Variants in SMCHD1 observed in about 807,000 individuals in gnomAD.
The protein encoded by SMCHD1 is structural maintenance of chromosomes flexible hinge domain containing 1.
Under a neutral mutation model 254.7 loss-of-function variants are expected in SMCHD1, and 78 were observed. That is an observed-to-expected ratio of 0.31 (90% CI 0.26 to 0.37). SMCHD1 has a LOEUF of 0.37. SMCHD1 is among the 10% of genes least tolerant of loss of function. The probability of loss-of-function intolerance (pLI) is 1.00; values close to 1 mark genes in which losing one functional copy is unlikely to be tolerated. For missense variants in SMCHD1, 1,840 were observed against 2,408.1 expected, an observed-to-expected ratio of 0.76 and a Z score of 4.94; for synonymous variants, 766 against 794.9, an observed-to-expected ratio of 0.96 and a Z score of 0.61.
rs116916319 is a variant in SMCHD1, at chr18:2,728,161, G to A, written c.2774-296G>A. ...TTTGTTTTTGAATACCTTTTTCCCA[G>A]TATCTTTTAAAGATTTTAGGTGATT... is the stretch of plus-strand genomic sequence containing the variant. On this transcript the variant is annotated intron_variant, in intron 22 of 47. Coordinates refer to ENST00000320876, the MANE Select transcript of SMCHD1 (RefSeq NM_015295.3). Among the ~76,000 whole-genome samples, 2,723 of 152,040 alleles carry A rather than the reference G, an allele frequency of 0.018. 40 individuals are homozygous for A. The highest frequency in any genetic ancestry group is 0.1 in the Middle Eastern group (30 of 294).
chr18:2,745,009 A>T (rs1419127598), intron 29 of SMCHD1, among the ~76,000 whole-genome samples: 3 of 152,010 alleles, frequency 2.0e-5, no homozygotes, highest in African/African-American at 7.2e-5. Flanking sequence ...ATTCCTGGCT[A>T]ATTTTGTATT....
intron 29 of SMCHD1, among the ~76,000 whole-genome samples, chr18:2,744,924 A>G (rs999619319): frequency 5.3e-5 from 8 of 152,060 alleles, no homozygotes; most frequent in Non-Finnish European, 1.0e-4. Flanking sequence ...GCTCACTGCA[A>G]CCTCCACCTC....
intron 24 of SMCHD1, among the ~76,000 whole-genome samples, chr18:2,729,807 C>G (rs2075102099): frequency 1.3e-5 from 2 of 151,530 alleles, no homozygotes; most frequent in African/African-American, 4.8e-5. Flanking sequence ...CTCCTAAGCT[C>G]TAGTGATGTG....
intron 5 of SMCHD1, among the ~76,000 whole-genome samples, chr18:2,682,116 A>G (rs1043803515): frequency 6.6e-6 from 1 of 151,942 alleles, no homozygotes; most frequent in African/African-American, 2.4e-5. Flanking sequence ...AGAGGCTCTG[A>G]TAGAGATTGG....
chr18:2,777,375 G>A (rs1486238514), intron 42 of SMCHD1, among the ~76,000 whole-genome samples: 1 of 152,104 alleles, frequency 6.6e-6, no homozygotes, highest in African/African-American at 2.4e-5. Context: ...TCTTCCTATT[G>A]TGTGGGAAGG....
chr18:2,694,753 AT>A, intron 8 of SMCHD1, 60 bp downstream of exon 8: 2 of 1,417,982 alleles, frequency 1.4e-6, no homozygotes, highest in Non-Finnish European at 2.0e-6. Flanking sequence ...GGCAGAAAAC[AT>A]TACAGATATA....
intron 5 of SMCHD1, among the ~76,000 whole-genome samples, chr18:2,685,101 T>TTTTTA (rs2074016064): frequency 7.7e-6 from 1 of 129,242 alleles, no homozygotes; most frequent in Non-Finnish European, 1.7e-5. Context: ...CTTATTTTTT[T>TTTTTA]CTTTTTTTTT....
chr18:2,718,573 T>G lies in SMCHD1; in HGVS notation c.2458+139T>G. On this transcript the variant is annotated intron_variant, in intron 19 of 47. Transcript: ENST00000320876. The surrounding 1 kb of genome is among the most constrained non-coding windows in gnomAD (Gnocchi z 4.6). ...TTTTATTTTATTTTCTTACTTACTT[T>G]GAGATGGGGTCTCATTCTGTCACCC... 6.8e-6 allele frequency: 5 copies of G among 730,704 alleles called. No homozygotes were observed. In the South Asian group the frequency reaches 1.2e-4, roughly 18 times the overall value. The allele number at this position is 730,704 out of a possible 1,614,324, so 45.3% of individuals were successfully genotyped here.
chr18:2,770,777 C>A (rs368861201), intron 39 of SMCHD1, among the ~76,000 whole-genome samples: 2 of 152,094 alleles, frequency 1.3e-5, no homozygotes, highest in Admixed American at 6.5e-5. Flanking sequence ...CATGCCACCA[C>A]GCCTGGCTGA....
In SMCHD1 at chr18:2,739,555, A is replaced by C. The variant is rs2075310123; in HGVS notation, c.3514+35A>C. 6 of 1,536,356 alleles carry C rather than the reference A, an allele frequency of 3.9e-6. No homozygotes were observed. The East Asian group carries it at 1.4e-4, about 35-fold the overall frequency. On this transcript the variant is annotated intron_variant, in intron 27 of 47. Transcript: ENST00000320876. ...GCTTGCTTTAAAAAACAAACAACAA[A>C]AAAATCTTCTGTGATGTTTCCTTCC...
intron 29 of SMCHD1, among the ~76,000 whole-genome samples, chr18:2,744,632 G>A (rs1485470098): frequency 6.6e-6 from 1 of 151,928 alleles, no homozygotes; most frequent in Non-Finnish European, 1.5e-5. Context: ...ATCTTGTCAC[G>A]GAAAGGACAT....
Position 2,746,908 on chromosome 18 carries a change from T to C in SMCHD1, c.3802-614T>C, listed in dbSNP as rs1455224467. Reference sequence around the variant, plus strand: ...ATTTCTAGATTTATACAGCCTTATATACTAGCTGGGGAAACAGCAAGAAGC... The same window carrying C: ...ATTTCTAGATTTATACAGCCTTATACACTAGCTGGGGAAACAGCAAGAAGC... On this transcript the variant is annotated intron_variant, in intron 29 of 47. Coordinates refer to ENST00000320876, the MANE Select transcript of SMCHD1 (RefSeq NM_015295.3). Among the ~76,000 whole-genome samples the C allele has an allele frequency of 2.4e-4, 36 of 152,200 alleles. 1 individual carries two copies. Among genetic ancestry groups the C allele is most frequent in the Admixed American group, 2.4e-3 (36 of 15,278 alleles).
intron 34 of SMCHD1, among the ~76,000 whole-genome samples, chr18:2,755,514 ATAG>A (rs1243799108): frequency 6.7e-6 from 1 of 150,022 alleles, no homozygotes; most frequent in African/African-American, 2.5e-5. Context: ...AGGATTTATA[ATAG>A]TAGGTTTGTT....
intron 37 of SMCHD1, among the ~76,000 whole-genome samples, chr18:2,765,034 C>G (rs2143706312): frequency 6.6e-6 from 1 of 152,266 alleles, no homozygotes; most frequent in African/African-American, 2.4e-5. Context: ...TTTAAAAATT[C>G]TAACCAAGTA....
chr18:2,669,963 G>A (rs1215690526), intron 3 of SMCHD1, among the ~76,000 whole-genome samples: 1 of 152,156 alleles, frequency 6.6e-6, no homozygotes, highest in Non-Finnish European at 1.5e-5. Context: ...ATCTTAAAAT[G>A]ACCATTTCTC....
At chr18:2,799,765 CT>C (rs909386023) in intron 47 of SMCHD1, among the ~76,000 whole-genome samples, 12 of 151,358 alleles carry the variant, frequency 7.9e-5, no homozygotes, top group African/African-American at 2.4e-4. Context: ...TAATTGCCAC[CT>C]TTTTTTTTCT....
At chr18:2,748,023 T>C (rs2075489217) in intron 30 of SMCHD1, among the ~76,000 whole-genome samples, 1 of 152,142 alleles carries the variant, frequency 6.6e-6, no homozygotes, top group African/African-American at 2.4e-5. Context: ...GAAACATACA[T>C]GGTGAGGCTA....
At chr18:2,698,284 T>C (rs2074326045) in intron 10 of SMCHD1, among the ~76,000 whole-genome samples, 1 of 152,200 alleles carries the variant, frequency 6.6e-6, no homozygotes, top group South Asian at 2.1e-4. Flanking sequence ...AACCAAACTT[T>C]TAGATATGTA....
chr18:2,749,612 AGAAAAAT>A (rs1267479089), intron 30 of SMCHD1, among the ~76,000 whole-genome samples: 7 of 152,330 alleles, frequency 4.6e-5, no homozygotes, highest in Non-Finnish European at 5.9e-5. Context: ...GACTTTCAAG[AGAAAAAT>A]GAAGAATGAA....
Sources: allele counts gnomAD v4.1 joint callset (sites outside exome capture counted in the v4.1 genomes callset), GRCh38; gene constraint gnomAD v4.1.1; non-coding constraint Gnocchi (gnomAD v3.1); transcripts MANE v1.5; gene names NCBI Gene and HGNC (gene_info 2026-07-23, HGNC 2026-07-21).